TNPO3: variants seen among roughly 807,000 people sequenced by gnomAD.
TNPO3 encodes the protein transportin 3.
A neutral mutation model predicts 122.8 loss-of-function variants in TNPO3; 65 were observed. The observed-to-expected ratio is 0.53, with a 90% confidence interval of 0.43 to 0.65. The LOEUF (loss-of-function observed/expected upper bound fraction) is 0.65. Ranked by LOEUF, TNPO3 falls within the 30% of genes least tolerant of loss-of-function variation. The pLI, the probability that TNPO3 is intolerant of heterozygous loss-of-function variation, is 0.00. For missense variants in TNPO3, 850 were observed against 1,136.7 expected (o/e 0.75, Z 3.63); for synonymous variants, 372 against 411.2 (o/e 0.90, Z 1.15).
At chr7:129,045,922 G>A (rs147914284) in intron 1 of TNPO3, among the ~76,000 whole-genome samples, 25 of 152,196 alleles carry the variant, frequency 1.6e-4, no homozygotes, top group African/African-American at 4.3e-4. Context: ...ATTTTAGGCC[G>A]GGCGCAGTGG....
At position 128,972,593 on chromosome 7, in the gene TNPO3, A is replaced by T; in HGVS notation, c.2274-11T>A. 1 of 1,611,170 alleles carries T rather than the reference A, an allele frequency of 6.2e-7. No individual in the cohort carries two copies. The highest frequency in any genetic ancestry group is 1.7e-4 in the Middle Eastern group (1 of 6,054). On this transcript the variant is annotated splice_polypyrimidine_tract_variant and intron_variant, in intron 18 of 22. Transcript: ENST00000265388. ...CTACGCTGAATAAACCTGGTGTGGAAAGTGAGACTAGGTATAAATGACAAG... is the reference window on the plus strand; with the variant it reads ...CTACGCTGAATAAACCTGGTGTGGATAGTGAGACTAGGTATAAATGACAAG...
Position 128,955,293 on chromosome 7 carries a change from G to A in TNPO3, c.*124C>T, listed in dbSNP as rs1358227087. On this transcript the variant is annotated 3_prime_UTR_variant, in exon 23 of 23. Transcript: ENST00000265388. ...CTGTCTGGCGGGACACCCTGGTGGC[G>A]GTGAAGGCCCCTCTGCCACAACGGA... 3 of 454,714 alleles carry A rather than the reference G, an allele frequency of 6.6e-6. No homozygotes were observed. The highest frequency in any genetic ancestry group is 5.6e-4 in the Middle Eastern group (1 of 1,788). The allele number at this position is 454,714 out of a possible 1,614,324, so 28.2% of individuals were successfully genotyped here.
intron 4 of TNPO3, among the ~76,000 whole-genome samples, chr7:129,006,474 T>C (rs1382154197): frequency 6.6e-6 from 1 of 152,236 alleles, no homozygotes; most frequent in Non-Finnish European, 1.5e-5. Context: ...AGAATTAGAC[T>C]AAAACTCAAT....
intron 8 of TNPO3, among the ~76,000 whole-genome samples, chr7:128,995,335 AAT>A (rs1299052256): frequency 6.6e-6 from 1 of 152,200 alleles, no homozygotes; most frequent in Non-Finnish European, 1.5e-5. Context: ...CAGAGTTACC[AAT>A]TATAAGATGG....
At chr7:128,994,409 C>T (rs1290657059) in intron 8 of TNPO3, among the ~76,000 whole-genome samples, 1 of 151,906 alleles carries the variant, frequency 6.6e-6, no homozygotes, top group Non-Finnish European at 1.5e-5. Context: ...CTGCCCACCT[C>T]GACCTCCCAA....
At position 128,970,616 on chromosome 7, in the gene TNPO3, A is replaced by C. The variant is rs1380169088; in HGVS notation, c.2431-301T>G. On this transcript the variant is annotated intron_variant, in intron 19 of 22. Transcript: ENST00000265388. ...TTTGAAGGCAGAAAACATGGTTAAG[A>C]ATTAAAGTTAGCAATTTTTAAAATT... 1.5e-5 allele frequency: 3 copies of C among 198,860 alleles called. No individual in the cohort carries two copies. The East Asian group carries it at 3.4e-4, about 23-fold the overall frequency. 12.3% of individuals were successfully genotyped at this position (198,860 alleles called of 1,614,324 possible).
intron 1 of TNPO3, among the ~76,000 whole-genome samples, chr7:129,034,628 G>A (rs1316419054): frequency 1.3e-5 from 2 of 152,080 alleles, no homozygotes; most frequent in Non-Finnish European, 2.9e-5. Context: ...GGTGGCTCAC[G>A]CCTGTAATCC....
At chr7:129,054,554 T>C (rs1326641956) in intron 1 of TNPO3, 97 bp downstream of exon 1, 3 of 1,556,310 alleles carry the variant, frequency 1.9e-6, no homozygotes, top group Non-Finnish European at 2.6e-6. Context: ...AAGGAGGACC[T>C]CACGAGGTCA....
At position 129,055,003 on chromosome 7, in the gene TNPO3, A is replaced by C; in HGVS notation, c.-233T>G. On this transcript the variant is annotated 5_prime_UTR_variant, in exon 1 of 23. Transcript: ENST00000265388. Reference sequence around the variant, plus strand: ...GCCTTTTTTCCGGTTTTTCCACTTGATTCTAGACTCTTGAGTCCACAGATT... The same window carrying C: ...GCCTTTTTTCCGGTTTTTCCACTTGCTTCTAGACTCTTGAGTCCACAGATT... 1 of 524,730 alleles carries C rather than the reference A, an allele frequency of 1.9e-6. No homozygotes were observed. Among genetic ancestry groups the C allele is most frequent in the African/African-American group, 1.9e-5 (1 of 52,102 alleles). The allele number at this position is 524,730 out of a possible 1,614,324, so 32.5% of individuals were successfully genotyped here.
rs1263627473 is a variant in TNPO3, at chr7:128,955,397, G to T, written c.*32-12C>A. 2.2e-6 allele frequency: 1 copy of T among 454,374 alleles called. No individual in the cohort carries two copies. Among genetic ancestry groups the T allele is most frequent in the Non-Finnish European group, 4.4e-6 (1 of 226,186 alleles). The allele number at this position is 454,374 out of a possible 1,614,324, so 28.1% of individuals were successfully genotyped here. A position where few individuals can be genotyped will look rare whatever the true frequency, so the allele number is the denominator to read the frequency against. On this transcript the variant is annotated splice_polypyrimidine_tract_variant and intron_variant, in intron 22 of 22. Coordinates refer to ENST00000265388, the MANE Select transcript of TNPO3 (RefSeq NM_012470.4). ...TAAAAAAGACATTCCTGACAAAAGAGATAAGACAGTCAATAACTGCACCAG... is the reference window on the plus strand; with the variant it reads ...TAAAAAAGACATTCCTGACAAAAGATATAAGACAGTCAATAACTGCACCAG...
intron 8 of TNPO3, among the ~76,000 whole-genome samples, chr7:128,994,982 T>C (rs1000331019): frequency 6.6e-6 from 1 of 152,158 alleles, no homozygotes; most frequent in South Asian, 2.1e-4. Context: ...AATTTTTTTA[T>C]AGAGGTAAGG....
In TNPO3 at chr7:128,955,258, G is replaced by C; in HGVS notation, c.*159C>G. On this transcript the variant is annotated 3_prime_UTR_variant, in exon 23 of 23. Coordinates refer to ENST00000265388, the MANE Select transcript of TNPO3 (RefSeq NM_012470.4). ...TCCTCAGGATGGCCTCAGAAGGCTG[G>C]AGTCTCTCCCTGTCTGGCGGGACAC... 1 of 453,086 alleles carries C rather than the reference G, an allele frequency of 2.2e-6. No homozygotes were observed. The highest frequency in any genetic ancestry group is 1.6e-5 in the South Asian group (1 of 64,288). 28.1% of individuals were successfully genotyped at this position (453,086 alleles called of 1,614,324 possible).
chr7:129,001,440 A>G (rs1039346396), intron 5 of TNPO3, among the ~76,000 whole-genome samples: 7 of 152,242 alleles, frequency 4.6e-5, no homozygotes, highest in African/African-American at 1.7e-4. Context: ...AGGTATTATA[A>G]GTAATTTACA....
chr7:129,001,517 G>A (rs1801947913), intron 5 of TNPO3, among the ~76,000 whole-genome samples: 2 of 152,116 alleles, frequency 1.3e-5, no homozygotes, highest in South Asian at 2.1e-4. Flanking sequence ...TTTATATAAG[G>A]GACTTGGGCA....
At chr7:128,973,170 C>T (rs915713576) in intron 18 of TNPO3, among the ~76,000 whole-genome samples, 48 of 152,178 alleles carry the variant, frequency 3.2e-4, no homozygotes, top group Admixed American at 3.1e-3. Flanking sequence ...ATTTCCCAAA[C>T]TAAAGTTCAC....
chr7:129,007,390 G>A (rs1180364936), intron 4 of TNPO3, among the ~76,000 whole-genome samples: 1 of 152,168 alleles, frequency 6.6e-6, no homozygotes, highest in East Asian at 1.9e-4. Flanking sequence ...TCAAAAGCCT[G>A]TAAAGTTAGG....
In TNPO3 at chr7:128,972,406, G is replaced by T. The variant is rs1000308705; in HGVS notation, c.2430+20C>A. 1.3e-6 allele frequency: 2 copies of T among 1,598,408 alleles called. No individual in the cohort carries two copies. Among genetic ancestry groups the T allele is most frequent in the Middle Eastern group, 1.7e-4 (1 of 6,008 alleles). On this transcript the variant is annotated intron_variant, in intron 19 of 22. Coordinates refer to ENST00000265388, the MANE Select transcript of TNPO3 (RefSeq NM_012470.4). Reference sequence around the variant, plus strand: ...GAGATAAAAGCTGTTAAGTAGAAATGGTATCATTTTTATACTTACATCATT... The same window carrying T: ...GAGATAAAAGCTGTTAAGTAGAAATTGTATCATTTTTATACTTACATCATT...
At chr7:128,998,112 T>A (rs1156833853) in intron 7 of TNPO3, among the ~76,000 whole-genome samples, 3 of 151,574 alleles carry the variant, frequency 2.0e-5, no homozygotes, top group Non-Finnish European at 2.9e-5. Context: ...TCTCCCAAAG[T>A]GCTGGGACTA....
At chr7:129,015,813 A>G (rs2150428682) in intron 3 of TNPO3, among the ~76,000 whole-genome samples, 1 of 152,316 alleles carries the variant, frequency 6.6e-6, no homozygotes, top group Middle Eastern at 3.4e-3. Context: ...AGCCTGGGTG[A>G]CAGAGTGAGA....
Sources: gnomAD v4.1 joint callset for allele counts (sites outside exome capture counted in the v4.1 genomes callset) on GRCh38, gnomAD v4.1.1 for gene constraint, MANE v1.5 for transcripts, NCBI Gene and HGNC (gene_info 2026-07-23, HGNC 2026-07-21) for gene names.